The following BNC2 variants were observed in gnomAD, a reference collection of about 807,000 sequenced individuals.
The protein encoded by BNC2 is zinc finger protein basonuclin-2.
A neutral mutation model predicts 76.3 loss-of-function variants in BNC2; 20 were observed. The observed-to-expected ratio is 0.26, with a 90% CI of 0.18 to 0.38. The LOEUF (loss-of-function observed/expected upper bound fraction) is 0.38, where lower values mean the gene tolerates loss of function less well. Ranked by LOEUF, BNC2 falls within the 10% of genes least tolerant of loss-of-function variation. BNC2 has a pLI of 1.00. For missense variants in BNC2, 1,382 were observed against 1,399.8 expected (o/e 0.99, Z 0.20); for synonymous variants, 582 against 514.8 (o/e 1.13, Z -1.77).
intron 5 of BNC2, among the ~76,000 whole-genome samples, chr9:16,522,152 T>C (rs1817639843): frequency 6.6e-6 from 1 of 152,090 alleles, no homozygotes; most frequent in Non-Finnish European, 1.5e-5. Context: ...CAGCACTCCC[T>C]GAAAAGGGGG....
chr9:16,854,841 T>C (rs1339550), intron 1 of BNC2, among the ~76,000 whole-genome samples: 120,681 of 151,612 alleles, frequency 0.8, 50,700 homozygotes, highest in South Asian at 0.97. Flanking sequence ...GGGTAAACAC[T>C]GTCAATACTC....
intron 4 of BNC2, among the ~76,000 whole-genome samples, chr9:16,554,998 C>A (rs563294693): frequency 2.0e-5 from 3 of 152,198 alleles, no homozygotes; most frequent in African/African-American, 7.2e-5. Context: ...CCCTCCCACT[C>A]ATTAAAAAAG....
At chr9:16,530,713 T>C (rs1391797324) in intron 5 of BNC2, among the ~76,000 whole-genome samples, 1 of 152,192 alleles carries the variant, frequency 6.6e-6, no homozygotes, top group Non-Finnish European at 1.5e-5. Context: ...CCATGGTATA[T>C]GTTGTAAGCT....
intron 1 of BNC2, among the ~76,000 whole-genome samples, chr9:16,759,359 G>C (rs10962570): frequency 3.9e-5 from 6 of 151,956 alleles, no homozygotes; most frequent in African/African-American, 1.2e-4. Context: ...TATTAGAGAG[G>C]ACTTTAATGG....
Position 16,489,254 on chromosome 9 carries a change from C to T in BNC2, c.670-51730G>A, listed in dbSNP as rs889847064. Among the ~76,000 whole-genome samples, 4 of 152,104 alleles carry T rather than the reference C, an allele frequency of 2.6e-5. No individual in the cohort carries two copies. The East Asian group carries it at 7.7e-4, about 29-fold the overall frequency. On this transcript the variant is annotated intron_variant, in intron 5 of 6. Transcript: ENST00000380672. ...AAAATCTGGTATTTTACCTTTACTG[C>T]ACATCTCAATTTGGTATGGAATACT... is the stretch of plus-strand genomic sequence containing the variant.
At chr9:16,446,380 A>C (rs1821232177) in intron 5 of BNC2, among the ~76,000 whole-genome samples, 1 of 152,150 alleles carries the variant, frequency 6.6e-6, no homozygotes, top group African/African-American at 2.4e-5. Flanking sequence ...TCTAGTTTTT[A>C]GAAGGAAGAA....
intron 2 of BNC2, among the ~76,000 whole-genome samples, chr9:16,737,020 G>C (rs1824691970): frequency 6.6e-6 from 1 of 151,078 alleles, no homozygotes; most frequent in African/African-American, 2.4e-5. Flanking sequence ...TGGTCAGACT[G>C]GTCTCGAACT....
chr9:16,422,416 T>C (rs1158861698), intron 6 of BNC2, among the ~76,000 whole-genome samples: 1 of 152,216 alleles, frequency 6.6e-6, no homozygotes, highest in Non-Finnish European at 1.5e-5. Flanking sequence ...AATGCAATAA[T>C]AAAGATGAAC....
At chr9:16,643,102 AG>A (rs1821532859) in intron 3 of BNC2, among the ~76,000 whole-genome samples, 1 of 152,164 alleles carries the variant, frequency 6.6e-6, no homozygotes, top group African/African-American at 2.4e-5. Context: ...TAATGATCAC[AG>A]ACCTGTCTTT....
intron 3 of BNC2, among the ~76,000 whole-genome samples, chr9:16,655,004 G>C (rs2133984173): frequency 6.6e-6 from 1 of 152,054 alleles, no homozygotes; most frequent in African/African-American, 2.4e-5. Context: ...ATGTACTTCA[G>C]AAATGATAGA....
chr9:16,839,448 A>C, intron 1 of BNC2, among the ~76,000 whole-genome samples: 1 of 152,336 alleles, frequency 6.6e-6, no homozygotes, highest in East Asian at 1.9e-4. Context: ...ATAGAAATAA[A>C]ATGCCCTATA....
chr9:16,772,571 AG>A (rs1825860040), intron 1 of BNC2, among the ~76,000 whole-genome samples: 1 of 152,106 alleles, frequency 6.6e-6, no homozygotes, highest in East Asian at 1.9e-4. Context: ...GCTAAAACCT[AG>A]GGAAAAAAAA....
chr9:16,581,680 A>G (rs1326331337), intron 4 of BNC2, among the ~76,000 whole-genome samples: 1 of 152,206 alleles, frequency 6.6e-6, no homozygotes, highest in Non-Finnish European at 1.5e-5. Context: ...GCATTTTGTT[A>G]TGGCAGCCCT....
intron 1 of BNC2, among the ~76,000 whole-genome samples, chr9:16,855,094 C>A (rs541347424): frequency 9.2e-5 from 14 of 151,934 alleles, no homozygotes; most frequent in African/African-American, 3.4e-4. Context: ...CATGAGTATT[C>A]CACCTCATAT....
intron 1 of BNC2, among the ~76,000 whole-genome samples, chr9:16,752,050 A>T (rs1302294765): frequency 6.6e-6 from 1 of 152,128 alleles, no homozygotes; most frequent in Non-Finnish European, 1.5e-5. Flanking sequence ...TCATCTTAAT[A>T]ACATAAAGAT....
chr9:16,585,966 G>A (rs966748479), intron 3 of BNC2, among the ~76,000 whole-genome samples: 13 of 152,118 alleles, frequency 8.5e-5, no homozygotes, highest in African/African-American at 2.9e-4. Context: ...CAGTCAGAGT[G>A]TTCCCACCTA....
At chr9:16,711,082 G>C (rs1823825226) in intron 3 of BNC2, among the ~76,000 whole-genome samples, 1 of 152,024 alleles carries the variant, frequency 6.6e-6, no homozygotes, top group African/African-American at 2.4e-5. Flanking sequence ...GACACGATTT[G>C]AGCAGGGCTT....
intron 4 of BNC2, among the ~76,000 whole-genome samples, chr9:16,570,821 G>A (rs905720585): frequency 4.6e-5 from 7 of 152,148 alleles, no homozygotes; most frequent in African/African-American, 1.4e-4. Flanking sequence ...CAAAACGAAA[G>A]TATTTTATAC....
At chr9:16,845,741 T>C (rs1236536183) in intron 1 of BNC2, among the ~76,000 whole-genome samples, 2 of 151,820 alleles carry the variant, frequency 1.3e-5, no homozygotes, top group Non-Finnish European at 2.9e-5. Context: ...AAAAATAAAA[T>C]AGGAAAATTA....
Sources: allele counts gnomAD v4.1 joint callset (sites outside exome capture counted in the v4.1 genomes callset), GRCh38; gene constraint gnomAD v4.1.1; transcripts MANE v1.5; gene names NCBI Gene and HGNC (gene_info 2026-07-23, HGNC 2026-07-21).